The following BAZ2A variants were observed in gnomAD, a reference collection of about 807,000 sequenced individuals.
The protein encoded by BAZ2A is bromodomain adjacent to zinc finger domain protein 2A.
BAZ2A carries 34 observed loss-of-function variants against 199.9 expected under a neutral mutation model. The ratio of observed to expected loss-of-function variants is 0.17; its 90% CI spans 0.13 to 0.23. The LOEUF (loss-of-function observed/expected upper bound fraction) is 0.23, where lower values mean the gene tolerates loss of function less well. Ranked by LOEUF, BAZ2A falls within the 10% of genes least tolerant of loss-of-function variation. The pLI is 1.00. For missense variants in BAZ2A, 2,002 were observed against 2,391.1 expected (o/e 0.84, Z 3.39); for synonymous variants, 857 against 883.9 (o/e 0.97, Z 0.54).
In BAZ2A at chr12:56,598,950, G is replaced by C; in HGVS notation, c.5464C>G (p.Pro1822Ala). Residue 1822 changes from proline to alanine, a missense_variant, in exon 28 of 29, where the codon CCA becomes GCA. Physicochemically the swap from Pro to Ala is conservative, Grantham distance 27. Around this residue, in one of 6 missense-constraint regions of BAZ2A, gnomAD observed 76 missense variants for 139.3 expected, o/e 0.55. Transcript: ENST00000549884. Reference protein sequence around the residue: ...AAWPFLEPVNPRLVSGYRRII... With the variant: ...AAWPFLEPVNARLVSGYRRII... ...CGCCGGTACCCACTCACCAAACGTGGGTTCACAGGCTCTAGGAAAGGCCAG... is the reference window on the plus strand; with the variant it reads ...CGCCGGTACCCACTCACCAAACGTGCGTTCACAGGCTCTAGGAAAGGCCAG... 1 of 1,609,504 alleles carries C rather than the reference G, an allele frequency of 6.2e-7. No individual in the cohort carries two copies. Among genetic ancestry groups the C allele is most frequent in the Non-Finnish European group, 8.5e-7 (1 of 1,177,994 alleles).
chr12:56,625,907 A>C (rs1323723086), intron 1 of BAZ2A, among the ~76,000 whole-genome samples: 2 of 151,864 alleles, frequency 1.3e-5, no homozygotes, highest in South Asian at 2.1e-4. Flanking sequence ...ACAACAACAA[A>C]AAACTTCTTC....
At chr12:56,610,632 C>T (rs1592586133) in intron 7 of BAZ2A, 115 bp from the exon 8 acceptor site, 1 of 870,192 alleles carries the variant, frequency 1.1e-6, no homozygotes, top group Non-Finnish European at 1.8e-6. Context: ...ATCTCTAGAA[C>T]TGCATGCAGA....
chr12:56,621,077 A>T, intron 1 of BAZ2A: 1 of 985,438 alleles, frequency 1.0e-6, no homozygotes, highest in Non-Finnish European at 1.2e-6. Context: ...GGCCAATTTC[A>T]TCTGATCCTC....
chr12:56,604,650 G>A lies in BAZ2A; in HGVS notation c.2898C>T (p.Pro966=). The A allele has an allele frequency of 3.7e-6, 6 of 1,609,832 alleles. No homozygotes were observed. The highest frequency in any genetic ancestry group is 4.2e-6 in the Non-Finnish European group (5 of 1,178,046). Residue 966 remains proline (P), a synonymous_variant, in exon 15 of 29, where the codon CCC becomes CCT. Transcript: ENST00000549884. ...AGGCCAGGACAGCAGCCTTCTGCTG[G>A]GGTGGCTGGGCCTGAAAAGGCTGGG... ...LRTQPFQAQP[P]QQKAAVLAFL... is the part of the protein sequence containing the mutation.
At chr12:56,623,247 AG>A (rs1168225314) in intron 1 of BAZ2A, among the ~76,000 whole-genome samples, 2 of 151,886 alleles carry the variant, frequency 1.3e-5, no homozygotes, top group Non-Finnish European at 2.9e-5. Flanking sequence ...AAAAAAAAAA[AG>A]AAAAAGGCTG....
At chr12:56,603,210 G>T in intron 18 of BAZ2A, 149 bp downstream of exon 18, 1 of 903,708 alleles carries the variant, frequency 1.1e-6, no homozygotes, top group Non-Finnish European at 1.7e-6. Flanking sequence ...TGAGGCTGCA[G>T]TGAGCCATGA....
upstream of BAZ2A, among the ~76,000 whole-genome samples, chr12:56,633,389 G>C (rs1951365683): frequency 6.6e-6 from 1 of 152,156 alleles, no homozygotes; most frequent in East Asian, 1.9e-4. Context: ...ACTTAGAAGA[G>C]TCTGAAGCAG....
At chr12:56,622,815 A>T (rs184488253) in intron 1 of BAZ2A, among the ~76,000 whole-genome samples, 2 of 152,218 alleles carry the variant, frequency 1.3e-5, no homozygotes, top group Non-Finnish European at 2.9e-5. Context: ...TGTTTCATTT[A>T]TAAGAGTAAG....
In BAZ2A at chr12:56,605,326, G is replaced by T; in HGVS notation, c.2495C>A (p.Pro832His). 6.2e-7 allele frequency: 1 copy of T among 1,605,776 alleles called. No homozygotes were observed. Among genetic ancestry groups the T allele is most frequent in the Non-Finnish European group, 8.5e-7 (1 of 1,173,846 alleles). Residue 832 changes from proline to histidine, a missense_variant and splice_region_variant, in exon 14 of 29, where the codon CCC becomes CAC. Pro to His is a moderately conservative substitution (Grantham distance 77). Coordinates refer to ENST00000549884, the MANE Select transcript of BAZ2A (RefSeq NM_001300905.2). ...AGGGACTCGTGAGAAGTCAGGCAGG[G>T]GCTAGAGAGAGAAAAGTGAGTAGAG... ...TEDMCLTDHQ[P>H]LPDFSRVPGL...
intron 1 of BAZ2A, 145 bp downstream of exon 1, chr12:56,629,980 T>G (rs1951251171): frequency 3.5e-6 from 2 of 573,576 alleles, no homozygotes; most frequent in Non-Finnish European, 4.4e-6. Context: ...CGCCTCGGGT[T>G]GGATCCTCGC....
In BAZ2A at chr12:56,595,796, T is replaced by A. The variant is rs1454964792; in HGVS notation, c.*2822A>T. On this transcript the variant is annotated 3_prime_UTR_variant, in exon 29 of 29. Transcript: ENST00000549884. ...GCAGGAGCACTAATGACCCTTTCCA[T>A]CCACACAGAGGGTATGGAACAGGAG... 1 of 152,566 alleles carries A rather than the reference T, an allele frequency of 6.6e-6. No individual in the cohort carries two copies. The highest frequency in any genetic ancestry group is 1.5e-5 in the Non-Finnish European group (1 of 68,044). The allele number at this position is 152,566 out of a possible 1,614,324, so 9.5% of individuals were successfully genotyped here. A position where few individuals can be genotyped will look rare whatever the true frequency, so the allele number is the denominator to read the frequency against.
chr12:56,600,699 CATG>C lies in BAZ2A; in HGVS notation c.4581_4583del (p.Ile1527del). On this transcript the variant is annotated inframe_deletion, in exon 23 of 29. Coordinates refer to ENST00000549884, the MANE Select transcript of BAZ2A (RefSeq NM_001300905.2). ...AGCATACCCGAATCTGCAGATCAGA[CATG>C]ATAACCCGCTGCTCCAGCTCCTCTA... is the stretch of plus-strand genomic sequence containing the variant. 1 of 1,613,176 alleles carries C rather than the reference CATG, an allele frequency of 6.2e-7. No individual in the cohort carries two copies. Among genetic ancestry groups the C allele is most frequent in the Non-Finnish European group, 8.5e-7 (1 of 1,179,746 alleles).
chr12:56,621,190 A>G, intron 1 of BAZ2A: 1 of 985,398 alleles, frequency 1.0e-6, no homozygotes, highest in Non-Finnish European at 1.2e-6. Context: ...ATGATGGGTC[A>G]CGGTTCATTT....
chr12:56,603,187 A>C (rs1432475073), intron 18 of BAZ2A, among the ~76,000 whole-genome samples, 172 bp downstream of exon 18: 1 of 152,218 alleles, frequency 6.6e-6, no homozygotes, highest in African/African-American at 2.4e-5. Context: ...AGAATCACCT[A>C]AGCCCAGGAG....
chr12:56,606,364 C>T (rs953815490), intron 11 of BAZ2A, 52 bp from the exon 12 acceptor site: 28 of 1,604,842 alleles, frequency 1.7e-5, no homozygotes, highest in Admixed American at 1.2e-4. Context: ...AGCATCTCTG[C>T]TTGGGCTAGG....
At chr12:56,623,544 A>G (rs1305880597) in intron 1 of BAZ2A, among the ~76,000 whole-genome samples, 5 of 152,210 alleles carry the variant, frequency 3.3e-5, no homozygotes, top group Admixed American at 3.3e-4. Flanking sequence ...ACACCACTAC[A>G]TTTTAGCTTT....
chr12:56,607,163 T>C (rs1180356589), intron 10 of BAZ2A, among the ~76,000 whole-genome samples: 1 of 152,000 alleles, frequency 6.6e-6, no homozygotes, highest in Non-Finnish European at 1.5e-5. Flanking sequence ...GGGTAGTAGT[T>C]AGAAGCACTG....
intron 28 of BAZ2A, 34 bp from the exon 29 acceptor site, chr12:56,598,817 T>C (rs1284828224): frequency 6.2e-7 from 1 of 1,609,482 alleles, no homozygotes; most frequent in African/African-American, 1.3e-5. Flanking sequence ...GTGAGCTGGG[T>C]AGGAGTTGCA....
intron 1 of BAZ2A, among the ~76,000 whole-genome samples, chr12:56,620,308 G>C (rs775757254): frequency 1.3e-5 from 2 of 152,030 alleles, no homozygotes; most frequent in Non-Finnish European, 2.9e-5. Context: ...AACCTGCCAT[G>C]CATCAGTGAA....
Sources: gnomAD v4.1 joint callset for allele counts (sites outside exome capture counted in the v4.1 genomes callset) on GRCh38, gnomAD v4.1.1 for gene constraint, gnomAD v4.1.1 regional missense constraint, MANE v1.5 for transcripts, NCBI Gene and HGNC (gene_info 2026-07-23, HGNC 2026-07-21) for gene names.